Variants in MYH3 observed in about 807,000 individuals in gnomAD.
MYH3 encodes the protein myosin-3.
Under a neutral mutation model 238.0 loss-of-function variants are expected in MYH3, and 130 were observed. That is an observed-to-expected ratio of 0.55 (90% CI 0.47 to 0.63). The LOEUF (loss-of-function observed/expected upper bound fraction) is 0.63. MYH3 is among the 30% of genes least tolerant of loss of function. MYH3 has a pLI of 0.00. For synonymous variants in MYH3, 880 were observed against 924.1 expected, an observed-to-expected ratio of 0.95 and a Z score of 0.86; for missense variants, 1,853 against 2,374.9, an observed-to-expected ratio of 0.78 and a Z score of 4.57.
the MYH3 span, among the ~76,000 whole-genome samples, chr17:10,670,460 A>G: frequency 6.6e-6 from 1 of 152,196 alleles, no homozygotes; most frequent in African/African-American, 2.4e-5. This position sits in a 1 kb window ranked among gnomAD's most constrained non-coding sequence, Gnocchi z 7.0. Flanking sequence ...TCTCCAAGTG[A>G]AATTTACAGT....
At chr17:10,636,863 G>A (rs865796570) in intron 28 of MYH3, among the ~76,000 whole-genome samples, 3 of 150,060 alleles carry the variant, frequency 2.0e-5, no homozygotes, top group Admixed American at 6.6e-5. Flanking sequence ...GCAGTGAGCC[G>A]AGATCACACA....
At position 10,642,729 on chromosome 17, in the gene MYH3, T is replaced by C. The variant is rs767481624; in HGVS notation, c.1582-6A>G. ...ATGGAGAAGATGCCCATAGGCTGGA[T>C]TGAAGGCAAGGCAAAGTGCAGAGAG... On this transcript the variant is annotated splice_region_variant and splice_polypyrimidine_tract_variant and intron_variant, in intron 15 of 40. Coordinates refer to ENST00000583535, the MANE Select transcript of MYH3 (RefSeq NM_002470.4). The surrounding 1 kb of genome is among the most constrained non-coding windows in gnomAD (Gnocchi z 5.4). The C allele has an allele frequency of 9.3e-6, 15 of 1,614,070 alleles. No homozygotes were observed. Among genetic ancestry groups the C allele is most frequent in the African/African-American group, 1.3e-5 (1 of 74,928 alleles).
chr17:10,645,864 C>T lies in MYH3; in HGVS notation c.1003-19G>A. ...TGGCGCTCTGGCATGGAAAGGGCAG[C>T]ACGTCAGTCAGTTGGCCCCAGTGAT... On this transcript the variant is annotated intron_variant, in intron 11 of 40. Coordinates refer to ENST00000583535, the MANE Select transcript of MYH3 (RefSeq NM_002470.4). The T allele has an allele frequency of 6.2e-7, 1 of 1,613,950 alleles. No individual in the cohort carries two copies.
chr17:10,645,089 G>A (rs866622572), intron 12 of MYH3, among the ~76,000 whole-genome samples: 1 of 151,160 alleles, frequency 6.6e-6, no homozygotes, highest in Non-Finnish European at 1.5e-5. Flanking sequence ...CCAGGCTGGA[G>A]TGCAGTGGCA....
At chr17:10,652,943 C>T (rs909466157) in intron 3 of MYH3, among the ~76,000 whole-genome samples, 7 of 152,034 alleles carry the variant, frequency 4.6e-5, no homozygotes, top group African/African-American at 1.4e-4. Context: ...TTGTCTGCTG[C>T]CCCCACCAAA....
intron 26 of MYH3, 48 bp downstream of exon 26, chr17:10,638,825 C>A: frequency 6.4e-7 from 1 of 1,572,534 alleles, no homozygotes; most frequent in South Asian, 1.1e-5. Flanking sequence ...GCACCCAGCT[C>A]ACTGTAAGTG....
chr17:10,669,121 T>G, the MYH3 span, among the ~76,000 whole-genome samples: 1 of 152,212 alleles, frequency 6.6e-6, no homozygotes. Flanking sequence ...GAAGACCTCA[T>G]GTCCCAGGAT....
intron 37 of MYH3, 29 bp from the exon 38 acceptor site, chr17:10,630,225 G>A: frequency 6.2e-7 from 1 of 1,614,092 alleles, no homozygotes; most frequent in Non-Finnish European, 8.5e-7. Context: ...AAATTAGTCT[G>A]GGGCTGCAGC....
Position 10,633,706 on chromosome 17 carries a change from G to A in MYH3, c.4532C>T (p.Ala1511Val). Residue 1511 changes from alanine to valine, a missense_variant, in exon 33 of 41, where the codon GCA becomes GTA. By Grantham distance (64) the Ala-to-Val change is moderately conservative. Coordinates refer to ENST00000583535, the MANE Select transcript of MYH3 (RefSeq NM_002470.4). ...TTCAGCAATTTGTTCTGTGAGATCT[G>A]CTATCTCCTCTGTAAAGAAGTAAGT... ...RENKNLEQEI[A>V]DLTEQIAENG... 1 of 1,613,948 alleles carries A rather than the reference G, an allele frequency of 6.2e-7. No homozygotes were observed. Among genetic ancestry groups the A allele is most frequent in the Non-Finnish European group, 8.5e-7 (1 of 1,179,998 alleles).
At chr17:10,635,653 T>G in intron 29 of MYH3, 82 bp downstream of exon 29, 1 of 1,613,392 alleles carries the variant, frequency 6.2e-7, no homozygotes. Flanking sequence ...CACCACCTTC[T>G]GAATGAAGTT....
the MYH3 span, among the ~76,000 whole-genome samples, chr17:10,663,719 G>C: frequency 6.6e-6 from 1 of 151,676 alleles, no homozygotes; most frequent in Non-Finnish European, 1.5e-5. Flanking sequence ...TTTGAATTAT[G>C]TGCTTGGTAT....
chr17:10,642,556 A>G lies in MYH3; in HGVS notation c.1749T>C (p.Tyr583=), dbSNP rs2074283026. The change falls in exon 16 of 41, where the codon TAT becomes TAC. Residue 583 remains tyrosine (Y), a synonymous_variant. Transcript: ENST00000583535. This position sits in a 1 kb window ranked among gnomAD's most constrained non-coding sequence, Gnocchi z 5.4. The part of the protein sequence containing the change: ...RAEAHFSLIH[Y]AGTVDYSVSG... ...AGACACTGTAGTCCACGGTGCCCGC[A>G]TAGTGGATCAGTGAGAAGTGAGCCT... is the stretch of plus-strand genomic sequence containing the variant. 2 of 1,614,212 alleles carry G rather than the reference A, an allele frequency of 1.2e-6. No individual in the cohort carries two copies. The highest frequency in any genetic ancestry group is 8.5e-7 in the Non-Finnish European group (1 of 1,180,048).
rs1181146655 is a variant in MYH3, at chr17:10,642,693, C to A, written c.1612G>T (p.Glu538Ter). ...PMGIFSILEE[E>*]CMFPKATDTS... is the part of the protein sequence containing the mutation. ...TCTGTTGCCTTGGGGAACATGCACT[C>A]CTCTTCCAGGATGGAGAAGATGCCC... Residue 538 changes from glutamate to a stop codon, truncating the protein, a stop_gained, in exon 16 of 41, where the codon GAG (glutamate) becomes TAG (stop). Coordinates refer to ENST00000583535, the MANE Select transcript of MYH3 (RefSeq NM_002470.4). LOFTEE classifies it high-confidence loss of function. The surrounding 1 kb of genome is among the most constrained non-coding windows in gnomAD (Gnocchi z 5.4). The A allele has an allele frequency of 6.2e-7, 1 of 1,614,072 alleles. No individual in the cohort carries two copies. Among genetic ancestry groups the A allele is most frequent in the Admixed American group, 1.7e-5 (1 of 59,998 alleles).
In MYH3 at chr17:10,640,656, A is replaced by G; in HGVS notation, c.2196T>C (p.Pro732=). 1 of 1,614,210 alleles carries G rather than the reference A, an allele frequency of 6.2e-7. No homozygotes were observed. The highest frequency in any genetic ancestry group is 8.5e-7 in the Non-Finnish European group (1 of 1,180,008). Residue 732 remains proline, a synonymous_variant, in exon 20 of 41, where the codon CCT becomes CCC. Coordinates refer to ENST00000583535, the MANE Select transcript of MYH3 (RefSeq NM_002470.4). ...TCTTGCTGTCAATGAATTGTCCCTC[A>G]GGGATTGCACTGGCATTCAGCACTC... is the stretch of plus-strand genomic sequence containing the variant. ...RYRVLNASAI[P]EGQFIDSKKA...
intron 5 of MYH3, 83 bp from the exon 6 acceptor site, chr17:10,650,484 TTA>T (rs2074364420): frequency 7.8e-7 from 1 of 1,278,256 alleles, no homozygotes; most frequent in African/African-American, 1.5e-5. Flanking sequence ...GTAGCCAGAG[TTA>T]AATTGCACAA....
rs2074198566 is a variant in MYH3, at chr17:10,634,886, T to C, written c.4310A>G (p.Asn1437Ser). ...CTTGTCCAGAGCGGCGGCCAAGGAA[T>C]TGGCTCTTTCAACATCAACCATCAG... The part of the protein sequence containing the change: ...EDLMVDVERA[N>S]SLAAALDKKQ... Residue 1437 changes from asparagine (N) to serine (S), a missense_variant, in exon 31 of 41, where the codon AAT becomes AGT. By Grantham distance (46) the Asn-to-Ser change is conservative. Transcript: ENST00000583535. 1 of 1,614,126 alleles carries C rather than the reference T, an allele frequency of 6.2e-7. No individual in the cohort carries two copies. Among genetic ancestry groups the C allele is most frequent in the Non-Finnish European group, 8.5e-7 (1 of 1,180,022 alleles).
At chr17:10,673,291 C>G in the MYH3 span, 3 of 152,200 alleles carry the variant, frequency 2.0e-5, no homozygotes, top group Admixed American at 6.5e-5. Flanking sequence ...GAGGCACTCT[C>G]CAGGGCCTAC....
At chr17:10,652,228 C>T in intron 4 of MYH3, 192 bp downstream of exon 4, 1 of 733,784 alleles carries the variant, frequency 1.4e-6, no homozygotes, top group Non-Finnish European at 2.3e-6. Context: ...GTCCTCCTTC[C>T]CACCTTCCTT....
At position 10,629,899 on chromosome 17, in the gene MYH3, A is replaced by C; in HGVS notation, c.5601T>G (p.Asp1867Glu). The change falls in exon 39 of 41, where the codon GAT becomes GAG. Residue 1867 changes from aspartate to glutamate, a missense_variant. Around this residue, in one of 3 missense-constraint regions of MYH3, gnomAD observed 1,044 missense variants for 1,192.6 expected, o/e 0.88. Transcript: ENST00000583535. ...EDRKNVLRLQ[D>E]LVDKLQVKVK... ...CTTTCACTTGCAGTTTATCCACCAG[A>C]TCCTGCAATCTCAGCACATTCTTCC... 5.0e-6 allele frequency: 8 copies of C among 1,614,068 alleles called. No homozygotes were observed. The highest frequency in any genetic ancestry group is 6.8e-6 in the Non-Finnish European group (8 of 1,180,008).
Sources: gnomAD v4.1 joint callset for allele counts (sites outside exome capture counted in the v4.1 genomes callset) on GRCh38, gnomAD v4.1.1 for gene constraint, gnomAD v4.1.1 regional missense constraint, Gnocchi (gnomAD v3.1) non-coding constraint, MANE v1.5 for transcripts, NCBI Gene and HGNC (gene_info 2026-07-23, HGNC 2026-07-21) for gene names.